The following PLD1 variants were observed in gnomAD, a reference collection of about 807,000 sequenced individuals.
The protein encoded by PLD1 is choline phosphatase 1.
In PLD1, 112 loss-of-function variants were observed where a neutral mutation model predicts 137.1. The observed-to-expected ratio is 0.82, with a 90% confidence interval of 0.70 to 0.96. PLD1 has a LOEUF of 0.96. Among genes scored for constraint, PLD1 ranks in the 40% least tolerant of loss-of-function variants. The pLI is 0.00. For synonymous variants in PLD1, 431 were observed against 454.7 expected (o/e 0.95, Z 0.66); for missense variants, 1,321 against 1,342.0 (o/e 0.98, Z 0.24).
intron 24 of PLD1, among the ~76,000 whole-genome samples, chr3:171,616,899 G>A (rs192936310): frequency 2.0e-4 from 31 of 152,248 alleles, no homozygotes; most frequent in Non-Finnish European, 1.3e-4. Context: ...ACTCTACCCC[G>A]TTTTAGTTTG....
chr3:171,620,040 C>CCT (rs1256023304), intron 24 of PLD1, among the ~76,000 whole-genome samples: 2 of 152,190 alleles, frequency 1.3e-5, no homozygotes, highest in Non-Finnish European at 2.9e-5. Flanking sequence ...TTGCTCTGTA[C>CCT]CTCTGATTCT....
intron 23 of PLD1, among the ~76,000 whole-genome samples, chr3:171,628,910 G>A (rs1734386637): frequency 6.6e-6 from 1 of 150,654 alleles, no homozygotes; most frequent in Non-Finnish European, 1.5e-5. Flanking sequence ...ATATCATACT[G>A]AATGGGCAAA....
chr3:171,759,934 C>G (rs1721280904), intron 1 of PLD1, among the ~76,000 whole-genome samples: 2 of 152,138 alleles, frequency 1.3e-5, no homozygotes, highest in Admixed American at 6.5e-5. Flanking sequence ...CTTGCTTCCC[C>G]AAGGGCAGAA....
chr3:171,634,907 A>T (rs937011457), intron 23 of PLD1, among the ~76,000 whole-genome samples: 1 of 151,902 alleles, frequency 6.6e-6, no homozygotes, highest in East Asian at 1.9e-4. Flanking sequence ...CCCCAAAAAA[A>T]CCCCACACTC....
chr3:171,679,197 A>C (rs748628577), intron 16 of PLD1, among the ~76,000 whole-genome samples: 1 of 152,260 alleles, frequency 6.6e-6, no homozygotes, highest in African/African-American at 2.4e-5. Flanking sequence ...AAATATTTGC[A>C]GAACAAATGT....
intron 20 of PLD1, 34 bp downstream of exon 20, chr3:171,662,026 G>GT (rs778223523): frequency 8.2e-7 from 1 of 1,220,764 alleles, no homozygotes; most frequent in Non-Finnish European, 1.2e-6. Context: ...AGGGAAGGCA[G>GT]TTTCTCACAC....
At chr3:171,620,742 C>CTCTCTCTCTCTCTCTA (rs1473647659) in intron 23 of PLD1, among the ~76,000 whole-genome samples, 3 of 94,784 alleles carry the variant, frequency 3.2e-5, no homozygotes, top group African/African-American at 8.6e-5. Context: ...CTCTCTCTCT[C>CTCTCTCTCTCTCTCTA]TATATATATA....
chr3:171,754,303 A>G (rs1042141980), intron 1 of PLD1, among the ~76,000 whole-genome samples: 7 of 152,248 alleles, frequency 4.6e-5, no homozygotes, highest in African/African-American at 1.7e-4. Flanking sequence ...CACAAGGAAC[A>G]TGTGTGTAAT....
At chr3:171,631,514 C>A (rs572431816) in intron 23 of PLD1, among the ~76,000 whole-genome samples, 1 of 152,276 alleles carries the variant, frequency 6.6e-6, no homozygotes, top group South Asian at 2.1e-4. Context: ...TCACATCTAG[C>A]ACCCAGATTT....
At chr3:171,718,498 C>A (rs1339754751) in intron 8 of PLD1, among the ~76,000 whole-genome samples, 1 of 152,170 alleles carries the variant, frequency 6.6e-6, no homozygotes, top group East Asian at 1.9e-4. Flanking sequence ...AACACCAAAA[C>A]CTGGCAGAGA....
chr3:171,793,761 G>GT (rs1241827236), intron 1 of PLD1: 1 of 143,898 alleles, frequency 6.9e-6, no homozygotes, highest in Admixed American at 6.7e-5. Context: ...AACATGAATT[G>GT]TTTATTTCTG....
At chr3:171,773,780 G>A (rs563758949) in intron 1 of PLD1, among the ~76,000 whole-genome samples, 4 of 151,370 alleles carry the variant, frequency 2.6e-5, no homozygotes, top group Admixed American at 6.6e-5. Flanking sequence ...ACGGAGTCTC[G>A]CTCTGTCACC....
intron 12 of PLD1, among the ~76,000 whole-genome samples, chr3:171,694,240 G>C (rs1715476913): frequency 6.6e-6 from 1 of 151,784 alleles, no homozygotes; most frequent in African/African-American, 2.4e-5. Context: ...TCTAAAAAAA[G>C]CAGGATCAAG....
chr3:171,754,790 C>G (rs1720900122), intron 1 of PLD1, among the ~76,000 whole-genome samples: 1 of 152,144 alleles, frequency 6.6e-6, no homozygotes, highest in South Asian at 2.1e-4. Context: ...GGCAAAACAT[C>G]TCAAATGTAG....
At chr3:171,625,603 C>G (rs563325171) in intron 23 of PLD1, among the ~76,000 whole-genome samples, 15 of 152,194 alleles carry the variant, frequency 9.9e-5, no homozygotes, top group Non-Finnish European at 1.9e-4. Flanking sequence ...GGCACCCCCC[C>G]GTAGGTGCAG....
intron 13 of PLD1, among the ~76,000 whole-genome samples, chr3:171,690,205 G>C (rs946124482): frequency 2.6e-5 from 4 of 152,020 alleles, no homozygotes; most frequent in Admixed American, 6.6e-5. Flanking sequence ...AGAATTGGTA[G>C]TAATGTCTCT....
In PLD1 at chr3:171,799,679, TAC is replaced by T. The variant is rs1187072634; in HGVS notation, c.-32+10718_-32+10719del. Reference sequence around the variant, plus strand: ...AAAGTAACTTTACAATGGAAAACATTACACACACAACTTCAGTGAGGTGATCA... The same window carrying T: ...AAAGTAACTTTACAATGGAAAACATTACACACAACTTCAGTGAGGTGATCA... On this transcript the variant is annotated intron_variant, in intron 1 of 26. Transcript: ENST00000351298. Among the ~76,000 whole-genome samples the T allele has an allele frequency of 4.6e-5, 7 of 152,078 alleles. No individual in the cohort carries two copies. In the East Asian group the frequency reaches 1.3e-3, roughly 29 times the overall value.
At position 171,764,916 on chromosome 3, in the gene PLD1, GA is replaced by G. The variant is rs1348419355; in HGVS notation, c.-31-26835del. On this transcript the variant is annotated intron_variant, in intron 1 of 26. Transcript: ENST00000351298. Reference sequence around the variant, plus strand: ...GAAAGGAAGGAAGGAAGGAAGGAAAGAAAGAAAGGAAAGAAAGGAAAGAAAG... The same window carrying G: ...GAAAGGAAGGAAGGAAGGAAGGAAAGAAGAAAGGAAAGAAAGGAAAGAAAG... Among the ~76,000 whole-genome samples, 52 of 26,332 alleles carry G rather than the reference GA, an allele frequency of 2.0e-3. 8 individuals carry two copies. The highest frequency in any genetic ancestry group is 6.5e-3 in the African/African-American group (49 of 7,588). 17.3% of individuals were successfully genotyped at this position (26,332 alleles called of 152,430 possible).
Position 171,605,511 on chromosome 3 carries a change from T to G in PLD1, c.2883-95A>C, listed in dbSNP as rs1356831513. On this transcript the variant is annotated intron_variant, in intron 25 of 26. Transcript: ENST00000351298. Reference sequence around the variant, plus strand: ...ATATCTATCTCTATATATGCAAATATATATATGCAAATTATTTGAGAGACC... The same window carrying G: ...ATATCTATCTCTATATATGCAAATAGATATATGCAAATTATTTGAGAGACC... 5 of 743,220 alleles carry G rather than the reference T, an allele frequency of 6.7e-6. No individual in the cohort carries two copies. The Admixed American group carries it at 1.0e-4, about 15-fold the overall frequency. 46.0% of individuals were successfully genotyped at this position (743,220 alleles called of 1,614,324 possible). A position where few individuals can be genotyped will look rare whatever the true frequency, so the allele number is the denominator to read the frequency against.
Sources: allele counts gnomAD v4.1 joint callset (sites outside exome capture counted in the v4.1 genomes callset), GRCh38; gene constraint gnomAD v4.1.1; transcripts MANE v1.5; gene names NCBI Gene and HGNC (gene_info 2026-07-23, HGNC 2026-07-21).